The following VAV2 variants were observed in gnomAD, a reference collection of about 807,000 sequenced individuals.
VAV2 encodes the protein guanine nucleotide exchange factor VAV2.
Under a neutral mutation model 132.5 loss-of-function variants are expected in VAV2, and 67 were observed. The observed-to-expected ratio is 0.51, with a 90% confidence interval of 0.42 to 0.62. VAV2 has a LOEUF of 0.62. Ranked by LOEUF, VAV2 falls within the 20% of genes least tolerant of loss-of-function variation. The pLI, the probability that VAV2 is intolerant of heterozygous loss-of-function variation, is 0.00. For missense variants in VAV2, 938 were observed against 1,153.6 expected (o/e 0.81, Z 2.71); for synonymous variants, 492 against 443.5 (o/e 1.11, Z -1.37).
At position 133,875,776 on chromosome 9, in the gene VAV2, C is replaced by T. The variant is rs191492678; in HGVS notation, c.322-14344G>A. On this transcript the variant is annotated intron_variant, in intron 2 of 29. Transcript: ENST00000371850. ...GTGATGGCTAATGTGGCTAATGCTA[C>T]GGCACCATCCTGCCTGGGCTAAGGG... Among the ~76,000 whole-genome samples, 1,282 of 152,332 alleles carry T rather than the reference C, an allele frequency of 8.4e-3. 12 individuals carry two copies. Among genetic ancestry groups the T allele is most frequent in the Non-Finnish European group, 0.013 (862 of 68,022 alleles).
chr9:133,839,114 G>A (rs919017724), intron 3 of VAV2, among the ~76,000 whole-genome samples: 1 of 151,510 alleles, frequency 6.6e-6, no homozygotes, highest in African/African-American at 2.4e-5. Context: ...ATGGATGGAT[G>A]GGTAGCTAGA....
At chr9:133,942,354 T>A (rs1345761177) in intron 1 of VAV2, among the ~76,000 whole-genome samples, 2 of 152,228 alleles carry the variant, frequency 1.3e-5, no homozygotes, top group East Asian at 3.9e-4. Context: ...GAAGGAGCTG[T>A]TGCTGCCACA....
At chr9:133,937,424 C>CTGCG (rs376060307) in intron 2 of VAV2, among the ~76,000 whole-genome samples, 9 of 149,488 alleles carry the variant, frequency 6.0e-5, no homozygotes, top group Non-Finnish European at 8.9e-5. Context: ...GACTGTATGT[C>CTGCG]TGTGTGTGTG....
At chr9:133,895,646 G>T (rs368630850) in intron 2 of VAV2, among the ~76,000 whole-genome samples, 1 of 152,236 alleles carries the variant, frequency 6.6e-6, no homozygotes, top group African/African-American at 2.4e-5. Context: ...GGGGAAATTT[G>T]GGGGGGATGA....
rs942725654 is a variant in VAV2, at chr9:133,824,941, C to T, written c.449+9331G>A. Among the ~76,000 whole-genome samples, 3 of 152,184 alleles carry T rather than the reference C, an allele frequency of 2.0e-5. No homozygotes were observed. The highest frequency in any genetic ancestry group is 7.2e-5 in the African/African-American group (3 of 41,456). The stretch of plus-strand genomic sequence containing the variant: ...GAAGCGTCTTGACAGAGGGACCCTC[C>T]GGGGACGCTGGCTTCATTCACTCCA... On this transcript the variant is annotated intron_variant, in intron 4 of 29. Coordinates refer to ENST00000371850, the MANE Select transcript of VAV2 (RefSeq NM_001134398.2). This position sits in a 1 kb window ranked among gnomAD's most constrained non-coding sequence, Gnocchi z 5.2.
intron 17 of VAV2, among the ~76,000 whole-genome samples, chr9:133,785,273 A>T (rs1834172862): frequency 1.3e-5 from 2 of 152,206 alleles, no homozygotes; most frequent in African/African-American, 4.8e-5. Context: ...CTGGCCCTCC[A>T]GGGTCCGTGT....
Position 133,863,469 on chromosome 9 carries a change from G to A in VAV2, c.322-2037C>T, listed in dbSNP as rs770358105. 2.6e-5 allele frequency among the ~76,000 whole-genome samples: 4 copies of A among 152,320 alleles called. No individual in the cohort carries two copies. The highest frequency in any genetic ancestry group is 1.9e-4 in the East Asian group (1 of 5,168). Reference sequence around the variant, plus strand: ...ATGGAACCGGAGACAGAGAGGAGGCGTGGCGGGCGAGCCAGCCAAGGCCAG... The same window carrying A: ...ATGGAACCGGAGACAGAGAGGAGGCATGGCGGGCGAGCCAGCCAAGGCCAG... On this transcript the variant is annotated intron_variant, in intron 2 of 29. Coordinates refer to ENST00000371850, the MANE Select transcript of VAV2 (RefSeq NM_001134398.2). The surrounding 1 kb of genome is among the most constrained non-coding windows in gnomAD (Gnocchi z 5.0).
At chr9:133,881,284 G>C (rs1244430244) in intron 2 of VAV2, among the ~76,000 whole-genome samples, 1 of 152,282 alleles carries the variant, frequency 6.6e-6, no homozygotes, top group Non-Finnish European at 1.5e-5. Context: ...GCAGATAGCG[G>C]AGCGCAGACG....
At chr9:133,818,365 C>CAAA (rs34171114) in intron 4 of VAV2, among the ~76,000 whole-genome samples, 2 of 99,674 alleles carry the variant, frequency 2.0e-5, no homozygotes, top group Non-Finnish European at 2.1e-5. Flanking sequence ...GACTCCATCT[C>CAAA]AAAAAAAAAA....
chr9:133,837,198 G>A (rs1342726287), intron 3 of VAV2, among the ~76,000 whole-genome samples: 3 of 152,206 alleles, frequency 2.0e-5, no homozygotes, highest in Non-Finnish European at 4.4e-5. Flanking sequence ...AGAATGCTCT[G>A]TACTTAGGGG....
chr9:133,822,313 A>G (rs1006721567), intron 4 of VAV2, among the ~76,000 whole-genome samples: 1 of 152,168 alleles, frequency 6.6e-6, no homozygotes, highest in African/African-American at 2.4e-5. Context: ...AGCTGCCATT[A>G]GTGTGTTACT....
Position 133,885,471 on chromosome 9 carries a change from T to C in VAV2, c.322-24039A>G, listed in dbSNP as rs1438022197. ...CCAAGGGCACAGCGGTGGCCGGTAC[T>C]TCCTGAGGGCCTGCCACTGTGGACT... On this transcript the variant is annotated intron_variant, in intron 2 of 29. Transcript: ENST00000371850. This position sits in a 1 kb window ranked among gnomAD's most constrained non-coding sequence, Gnocchi z 5.0. 6.6e-6 allele frequency among the ~76,000 whole-genome samples: 1 copy of C among 152,206 alleles called. No homozygotes were observed.
At chr9:133,954,693 G>A (rs1429487199) in intron 1 of VAV2, among the ~76,000 whole-genome samples, 3 of 152,242 alleles carry the variant, frequency 2.0e-5, no homozygotes, top group Admixed American at 6.5e-5. Context: ...ATGTGTATGC[G>A]TGTGGGGTGC....
At chr9:133,932,881 G>T (rs1840736600) in intron 2 of VAV2, among the ~76,000 whole-genome samples, 1 of 152,244 alleles carries the variant, frequency 6.6e-6, no homozygotes, top group Admixed American at 6.5e-5. Context: ...GGTCTCCCCA[G>T]GTGGCAGGGG....
At chr9:133,917,837 A>G (rs1588368036) in intron 2 of VAV2, among the ~76,000 whole-genome samples, 1 of 151,950 alleles carries the variant, frequency 6.6e-6, no homozygotes, top group Admixed American at 6.6e-5. Context: ...CTGGACCCAC[A>G]CCCTCCCGAG....
At chr9:133,796,792 CG>C (rs1834736493) in intron 10 of VAV2, among the ~76,000 whole-genome samples, 1 of 152,256 alleles carries the variant, frequency 6.6e-6, no homozygotes, top group Non-Finnish European at 1.5e-5. Flanking sequence ...GAAACCCTCT[CG>C]GGGCGCCTGC....
intron 12 of VAV2, among the ~76,000 whole-genome samples, chr9:133,792,112 T>TGTGTGTGTAAGTGGGCTGTACTGG (rs1834498124): frequency 2.4e-5 from 3 of 127,062 alleles, no homozygotes; most frequent in South Asian, 2.6e-4. Flanking sequence ...GGCTGTACTG[T>TGTGTGTGTAAGTGGGCTGTACTGG]GTGGGGTGTG....
At chr9:133,771,716 C>A (rs973792803) in intron 26 of VAV2, among the ~76,000 whole-genome samples, 7 of 152,200 alleles carry the variant, frequency 4.6e-5, no homozygotes, top group Admixed American at 1.3e-4. Context: ...GCCCCTACCC[C>A]ACCCCTGCAC....
chr9:133,899,999 C>T (rs188038993), intron 2 of VAV2, among the ~76,000 whole-genome samples: 18,576 of 141,494 alleles, frequency 0.13, 1,486 homozygotes, highest in Non-Finnish European at 0.17. Context: ...CCAGCCTGGG[C>T]GACAGAGCAA....
Sources: allele counts gnomAD v4.1 joint callset (sites outside exome capture counted in the v4.1 genomes callset), GRCh38; gene constraint gnomAD v4.1.1; non-coding constraint Gnocchi (gnomAD v3.1); transcripts MANE v1.5; gene names NCBI Gene and HGNC (gene_info 2026-07-23, HGNC 2026-07-21).